LRRC38: variants seen among roughly 807,000 people sequenced by gnomAD.
LRRC38 encodes the protein leucine rich repeat containing 38.
Under a neutral mutation model 16.4 loss-of-function variants are expected in LRRC38, and 5 were observed. The observed-to-expected ratio is 0.31, with a 90% confidence interval of 0.16 to 0.64. The LOEUF is 0.64. Ranked by LOEUF, LRRC38 falls within the 30% of genes least tolerant of loss-of-function variation. The pLI, the probability that LRRC38 is intolerant of heterozygous loss-of-function variation, is 0.80. For synonymous variants in LRRC38, 191 were observed against 190.2 expected (o/e 1.00, Z -0.04); for missense variants, 341 against 401.8 (o/e 0.85, Z 1.29).
chr1:13,492,319 C>A (rs191527050), intron 1 of LRRC38, among the ~76,000 whole-genome samples: 4 of 152,260 alleles, frequency 2.6e-5, no homozygotes, highest in Admixed American at 2.0e-4. Flanking sequence ...GCATAATAAT[C>A]CATTTCATGG....
chr1:13,495,511 C>G (rs1268023013), intron 1 of LRRC38, among the ~76,000 whole-genome samples: 2 of 151,972 alleles, frequency 1.3e-5, no homozygotes, highest in Non-Finnish European at 2.9e-5. Flanking sequence ...GGAGTGACTG[C>G]TCTGGGTATC....
chr1:13,505,308 A>AG (rs1187534083), intron 1 of LRRC38, among the ~76,000 whole-genome samples: 1 of 152,206 alleles, frequency 6.6e-6, no homozygotes, highest in Admixed American at 6.5e-5. Flanking sequence ...GCTGCGGCTC[A>AG]GGGGGCTACC....
At position 13,476,044 on chromosome 1, in the gene LRRC38, A is replaced by G. The variant is rs1382377412; in HGVS notation, c.687T>C (p.Arg229=). 1.3e-6 allele frequency: 2 copies of G among 1,550,486 alleles called. No homozygotes were observed. Among genetic ancestry groups the G allele is most frequent in the East Asian group, 4.9e-5 (2 of 40,914 alleles). The change falls in exon 2 of 2, where the codon CGT becomes CGC. Residue 229 remains arginine, a synonymous_variant. Transcript: ENST00000376085. ...LPMESRRISL[R]ELSEASFSEC... is the part of the protein sequence containing the mutation. ...CGCTGAAGCTGGCCTCCGACAGCTC[A>G]CGCAGGGATATCCTCCTGCTCTCCA...
intron 1 of LRRC38, among the ~76,000 whole-genome samples, chr1:13,485,108 T>C (rs1239527353): frequency 6.6e-6 from 1 of 151,248 alleles, no homozygotes; most frequent in Non-Finnish European, 1.5e-5. Context: ...AGAAACCCCG[T>C]CTCTACCAAA....
chr1:13,490,999 C>T (rs1294487183), intron 1 of LRRC38, among the ~76,000 whole-genome samples: 4 of 152,244 alleles, frequency 2.6e-5, no homozygotes, highest in African/African-American at 9.7e-5. Context: ...TTTCTAGAAA[C>T]TCCTGCTATT....
At position 13,487,260 on chromosome 1, in the gene LRRC38, T is replaced by G. The variant is rs1391958823; in HGVS notation, c.632-11161A>C. Among the ~76,000 whole-genome samples the G allele has an allele frequency of 6.6e-6, 1 of 152,200 alleles. No homozygotes were observed. The highest frequency in any genetic ancestry group is 6.5e-5 in the Admixed American group (1 of 15,280). On this transcript the variant is annotated intron_variant, in intron 1 of 1. Coordinates refer to ENST00000376085, the MANE Select transcript of LRRC38 (RefSeq NM_001010847.2). This position sits in a 1 kb window ranked among gnomAD's most constrained non-coding sequence, Gnocchi z 4.4. Reference sequence around the variant, plus strand: ...AGGACAACGGAATTCAAGAACGAATTGGGCTCCTGTCCTAACTGTCAGCCT... The same window carrying G: ...AGGACAACGGAATTCAAGAACGAATGGGGCTCCTGTCCTAACTGTCAGCCT...
rs570585166 is a variant in LRRC38, at chr1:13,497,607, C to T, written c.631+15356G>A. 8.1e-5 allele frequency among the ~76,000 whole-genome samples: 12 copies of T among 147,488 alleles called. No individual in the cohort carries two copies. The South Asian group carries it at 1.5e-3, about 18-fold the overall frequency. On this transcript the variant is annotated intron_variant, in intron 1 of 1. Transcript: ENST00000376085. ...GGGAATCACTCCATATAAACTGGAG[C>T]GATTCTGAAAACTTCATATGCAAAA...
Position 13,487,867 on chromosome 1 carries a change from G to A in LRRC38, c.632-11768C>T, listed in dbSNP as rs549035467. ...ACTGCGTAACTCAGATTAACAACAGGCTCTGGTAAGCGCTTTTTGTCATTA... is the reference window on the plus strand; with the variant it reads ...ACTGCGTAACTCAGATTAACAACAGACTCTGGTAAGCGCTTTTTGTCATTA... On this transcript the variant is annotated intron_variant, in intron 1 of 1. Transcript: ENST00000376085. This position sits in a 1 kb window ranked among gnomAD's most constrained non-coding sequence, Gnocchi z 4.4. Among the ~76,000 whole-genome samples the A allele has an allele frequency of 7.1e-4, 108 of 152,186 alleles. No homozygotes were observed. Among genetic ancestry groups the A allele is most frequent in the African/African-American group, 1.8e-3 (73 of 41,512 alleles).
At chr1:13,492,114 C>A (rs1020222020) in intron 1 of LRRC38, among the ~76,000 whole-genome samples, 3 of 152,198 alleles carry the variant, frequency 2.0e-5, no homozygotes, top group Non-Finnish European at 4.4e-5. Flanking sequence ...ATACTAACTC[C>A]CCATTCCCCC....
chr1:13,493,932 G>C (rs557476142), intron 1 of LRRC38, among the ~76,000 whole-genome samples: 1 of 152,072 alleles, frequency 6.6e-6, no homozygotes, highest in South Asian at 2.1e-4. Context: ...GTGTGCTGGC[G>C]TGCACCTGTA....
rs1254567348 is a variant in LRRC38, at chr1:13,513,464, C to G, written c.130G>C (p.Asp44His). ...CTDPHTVDCRDRGLPSVPDPF... is the reference protein window; with the variant it reads ...CTDPHTVDCRHRGLPSVPDPF... ...TCTGGCACGCTGGGCAGCCCGCGGT[C>G]GCGGCAGTCCACGGTGTGCGGGTCG... The change falls in exon 1 of 2, where the codon GAC (aspartate) becomes CAC (histidine). Residue 44 changes from aspartate to histidine, a missense_variant. By Grantham distance (81) the Asp-to-His change is moderately conservative. Transcript: ENST00000376085. 4 of 1,546,388 alleles carry G rather than the reference C, an allele frequency of 2.6e-6. No homozygotes were observed. The highest frequency in any genetic ancestry group is 3.5e-6 in the Non-Finnish European group (4 of 1,144,566).
chr1:13,501,133 C>T (rs1639143567), intron 1 of LRRC38, among the ~76,000 whole-genome samples: 1 of 151,912 alleles, frequency 6.6e-6, no homozygotes, highest in South Asian at 2.1e-4. Flanking sequence ...ATATATGGTA[C>T]TGATGTGGCA....
intron 1 of LRRC38, among the ~76,000 whole-genome samples, chr1:13,503,457 C>T (rs1200640828): frequency 6.6e-6 from 1 of 152,084 alleles, no homozygotes; most frequent in African/African-American, 2.4e-5. Flanking sequence ...TTAGTAGAGA[C>T]GGGGTTTCAC....
chr1:13,476,533 T>A (rs1026840302), intron 1 of LRRC38, among the ~76,000 whole-genome samples: 1 of 152,168 alleles, frequency 6.6e-6, no homozygotes. Flanking sequence ...TTCACCATGT[T>A]GGCCAGGCTG....
chr1:13,513,681 GCCGGGCGCGGGGAGCCAGAGGGCGGC>G lies in LRRC38; in HGVS notation c.-114_-89del, dbSNP rs1639304696. 2.2e-6 allele frequency: 2 copies of G among 919,696 alleles called. No individual in the cohort carries two copies. Among genetic ancestry groups the G allele is most frequent in the Non-Finnish European group, 1.3e-6 (1 of 764,380 alleles). The allele number at this position is 919,696 out of a possible 1,614,324, so 57.0% of individuals were successfully genotyped here. A position where few individuals can be genotyped will look rare whatever the true frequency, so the allele number is the denominator to read the frequency against. On this transcript the variant is annotated 5_prime_UTR_variant, in exon 1 of 2. Transcript: ENST00000376085. ...GGGACGGCGCGGTGAGGCACTGGCT[GCCGGGCGCGGGGAGCCAGAGGGCGGC>G]CCGGGCGGGGAGGGCGTGCGCCCGG... is the stretch of plus-strand genomic sequence containing the variant.
chr1:13,492,819 G>A (rs1557499776), intron 1 of LRRC38, among the ~76,000 whole-genome samples: 2 of 152,184 alleles, frequency 1.3e-5, no homozygotes, highest in Admixed American at 1.3e-4. Flanking sequence ...GGACCCAGCA[G>A]ATCTCAAAGT....
chr1:13,498,249 C>CAAAAAA (rs112781450), intron 1 of LRRC38, among the ~76,000 whole-genome samples: 1 of 147,238 alleles, frequency 6.8e-6, no homozygotes, highest in African/African-American at 2.5e-5. Context: ...CAAAACAAAA[C>CAAAAAA]AAAAAAAAAA....
intron 1 of LRRC38, among the ~76,000 whole-genome samples, chr1:13,505,730 A>G (rs1296093095): frequency 6.6e-6 from 1 of 152,188 alleles, no homozygotes; most frequent in Non-Finnish European, 1.5e-5. Context: ...TGGTCAGGGA[A>G]GGCCTCTCGG....
At chr1:13,499,944 C>T (rs1639126121) in intron 1 of LRRC38, among the ~76,000 whole-genome samples, 1 of 152,082 alleles carries the variant, frequency 6.6e-6, no homozygotes, top group Admixed American at 6.6e-5. Context: ...CCATTCTATT[C>T]CTAAATAAGA....
Sources: allele counts gnomAD v4.1 joint callset (sites outside exome capture counted in the v4.1 genomes callset), GRCh38; gene constraint gnomAD v4.1.1; non-coding constraint Gnocchi (gnomAD v3.1); transcripts MANE v1.5; gene names NCBI Gene and HGNC (gene_info 2026-07-23, HGNC 2026-07-21).